The following TENM3 variants were observed in gnomAD, a reference collection of about 807,000 sequenced individuals.
TENM3 encodes the protein teneurin transmembrane protein 3, also known as teneurin-3.
TENM3 carries 63 observed loss-of-function variants against 255.1 expected under a neutral mutation model. That is an observed-to-expected ratio of 0.25 (90% CI 0.20 to 0.30). The LOEUF (loss-of-function observed/expected upper bound fraction) is 0.30, where lower values mean the gene tolerates loss of function less well. Among genes scored for constraint, TENM3 ranks in the 10% least tolerant of loss-of-function variants. TENM3 has a pLI of 1.00. For synonymous variants in TENM3, 1,306 were observed against 1,322.3 expected, an observed-to-expected ratio of 0.99 and a Z score of 0.27; for missense variants, 2,929 against 3,461.1, an observed-to-expected ratio of 0.85 and a Z score of 3.86.
the TENM3 span, among the ~76,000 whole-genome samples, chr4:181,742,888 C>T: frequency 4.1e-5 from 6 of 144,704 alleles, no homozygotes; most frequent in South Asian, 1.4e-3. Context: ...CATGTGTTCT[C>T]ATTGTTCAAG....
At chr4:182,326,117 G>GC (rs796380887) in intron 2 of TENM3, among the ~76,000 whole-genome samples, 1 of 152,336 alleles carries the variant, frequency 6.6e-6, no homozygotes, top group South Asian at 2.1e-4. Context: ...GGCCAGGGAG[G>GC]CCTTGTTGGA....
chr4:182,575,274 G>A (rs1394501499), intron 3 of TENM3, among the ~76,000 whole-genome samples: 2 of 152,146 alleles, frequency 1.3e-5, no homozygotes, highest in Admixed American at 6.6e-5. Flanking sequence ...AACTTCATGC[G>A]AGTTTACAAT....
At chr4:182,076,158 G>T in the TENM3 span, among the ~76,000 whole-genome samples, 17 of 150,842 alleles carry the variant, frequency 1.1e-4, no homozygotes, top group Admixed American at 9.9e-4. Context: ...CAATCAAAGT[G>T]CTGGGATTAT....
the TENM3 span, among the ~76,000 whole-genome samples, chr4:181,596,934 G>A: frequency 6.6e-6 from 1 of 152,130 alleles, no homozygotes; most frequent in South Asian, 2.1e-4. Context: ...CCTTTTGGGA[G>A]GGTGGAGGGT....
the TENM3 span, among the ~76,000 whole-genome samples, chr4:181,861,622 C>G: frequency 6.6e-6 from 1 of 151,966 alleles, no homozygotes; most frequent in Non-Finnish European, 1.5e-5. Context: ...ACTTCTAAGT[C>G]CATGACTTGT....
chr4:181,753,418 A>T, the TENM3 span, among the ~76,000 whole-genome samples: 1 of 152,312 alleles, frequency 6.6e-6, no homozygotes, highest in Non-Finnish European at 1.5e-5. Context: ...AGCAGGCTGT[A>T]CAGATGGAGA....
At chr4:181,566,100 G>A in the TENM3 span, among the ~76,000 whole-genome samples, 2 of 151,382 alleles carry the variant, frequency 1.3e-5, no homozygotes, top group African/African-American at 2.4e-5. Context: ...GTTTGGCGAA[G>A]AAAAAAAAAT....
intron 6 of TENM3, among the ~76,000 whole-genome samples, chr4:182,659,706 T>G (rs777618342): frequency 6.6e-6 from 1 of 152,232 alleles, no homozygotes; most frequent in Non-Finnish European, 1.5e-5. Flanking sequence ...GCCTTCTATC[T>G]GCGCTGTATG....
At chr4:182,756,109 C>T (rs550213130) in intron 22 of TENM3, among the ~76,000 whole-genome samples, 1 of 152,344 alleles carries the variant, frequency 6.6e-6, no homozygotes, top group Non-Finnish European at 1.5e-5. Context: ...ATAAAGCTGA[C>T]TGTCTCAGGA....
chr4:182,626,855 C>G (rs1003062840), intron 4 of TENM3, among the ~76,000 whole-genome samples: 3 of 152,072 alleles, frequency 2.0e-5, no homozygotes, highest in Admixed American at 1.3e-4. Context: ...GACATTAGCT[C>G]TAGTCTCTAA....
At chr4:182,714,693 C>T (rs780992954) in intron 13 of TENM3, among the ~76,000 whole-genome samples, 4 of 152,204 alleles carry the variant, frequency 2.6e-5, no homozygotes, top group Non-Finnish European at 5.9e-5. Flanking sequence ...ACTCTAGTGA[C>T]GTTTTATCCT....
the TENM3 span, among the ~76,000 whole-genome samples, chr4:181,563,799 T>C: frequency 5.3e-5 from 8 of 152,298 alleles, no homozygotes; most frequent in African/African-American, 1.7e-4. Flanking sequence ...CCAAGTGAGA[T>C]ATGTGTAGCA....
At chr4:182,091,859 G>A in the TENM3 span, among the ~76,000 whole-genome samples, 7 of 152,326 alleles carry the variant, frequency 4.6e-5, no homozygotes, top group Admixed American at 2.0e-4. Context: ...AGAAGGGTGG[G>A]CTTGAAGCTG....
chr4:181,939,121 A>G, the TENM3 span, among the ~76,000 whole-genome samples: 1 of 152,246 alleles, frequency 6.6e-6, no homozygotes, highest in Non-Finnish European at 1.5e-5. Flanking sequence ...AATCTTGTGC[A>G]CTTTTTCATA....
At chr4:181,632,346 C>T in the TENM3 span, among the ~76,000 whole-genome samples, 1 of 152,124 alleles carries the variant, frequency 6.6e-6, no homozygotes, top group Admixed American at 6.5e-5. Flanking sequence ...CCAGGTCCCT[C>T]CCCTGACATT....
chr4:182,407,660 C>T (rs1319940097), intron 3 of TENM3, among the ~76,000 whole-genome samples: 5 of 151,862 alleles, frequency 3.3e-5, no homozygotes, highest in South Asian at 2.1e-4. Context: ...ACTTGGGGCC[C>T]GAACATATTA....
chr4:181,894,824 G>A, the TENM3 span, among the ~76,000 whole-genome samples: 1 of 152,058 alleles, frequency 6.6e-6, no homozygotes, highest in Non-Finnish European at 1.5e-5. Flanking sequence ...TTAGGTGTCT[G>A]AGCATGATTT....
At chr4:181,847,647 T>C in the TENM3 span, among the ~76,000 whole-genome samples, 1 of 151,930 alleles carries the variant, frequency 6.6e-6, no homozygotes, top group Admixed American at 6.6e-5. Flanking sequence ...CAAATAGAAA[T>C]ATATTGATAG....
intron 3 of TENM3, among the ~76,000 whole-genome samples, chr4:182,599,921 TGTA>T (rs989624821): frequency 3.3e-5 from 5 of 152,176 alleles, no homozygotes; most frequent in African/African-American, 1.2e-4. Context: ...TTTGGTAAAA[TGTA>T]GTCTTCGTAA....
Sources: allele counts gnomAD v4.1 joint callset (sites outside exome capture counted in the v4.1 genomes callset), GRCh38; gene constraint gnomAD v4.1.1; transcripts MANE v1.5; gene names NCBI Gene and HGNC (gene_info 2026-07-23, HGNC 2026-07-21).